Variants in MACROD2 observed in about 807,000 individuals in gnomAD.
The protein encoded by MACROD2 is mono-ADP ribosylhydrolase 2.
A neutral mutation model predicts 70.4 loss-of-function variants in MACROD2; 36 were observed. That is an observed-to-expected ratio of 0.51 (90% CI 0.39 to 0.68). MACROD2 has a LOEUF of 0.68. Among genes scored for constraint, MACROD2 ranks in the 30% least tolerant of loss-of-function variants. The pLI is 0.00. For missense variants in MACROD2, 496 were observed against 538.4 expected, an observed-to-expected ratio of 0.92 and a Z score of 0.78; for synonymous variants, 172 against 178.8, an observed-to-expected ratio of 0.96 and a Z score of 0.30.
intron 7 of MACROD2, among the ~76,000 whole-genome samples, chr20:15,487,277 G>A (rs2047174618): frequency 6.6e-6 from 1 of 152,158 alleles, no homozygotes. Context: ...TAAAAAAGGT[G>A]TCACAAGAGT....
At chr20:14,999,401 G>C (rs1283859480) in intron 5 of MACROD2, among the ~76,000 whole-genome samples, 1 of 152,198 alleles carries the variant, frequency 6.6e-6, no homozygotes, top group Non-Finnish European at 1.5e-5. Context: ...ACTCACACCT[G>C]TAATCCCAGC....
At chr20:15,294,622 C>A (rs2077570253) in intron 6 of MACROD2, among the ~76,000 whole-genome samples, 1 of 152,192 alleles carries the variant, frequency 6.6e-6, no homozygotes, top group Non-Finnish European at 1.5e-5. Flanking sequence ...TCCTGCCATG[C>A]TGCCTGATAA....
intron 8 of MACROD2, among the ~76,000 whole-genome samples, chr20:15,730,235 C>T (rs1200758649): frequency 6.6e-6 from 1 of 152,192 alleles, no homozygotes; most frequent in African/African-American, 2.4e-5. Flanking sequence ...TTCATCCTGA[C>T]ATCATGTTGT....
chr20:15,073,551 A>G (rs1338257204), intron 5 of MACROD2, among the ~76,000 whole-genome samples: 1 of 151,900 alleles, frequency 6.6e-6, no homozygotes, highest in African/African-American at 2.4e-5. Context: ...TAACTTGGAA[A>G]AAATGCTTTA....
chr20:15,660,609 G>A (rs2049806728), intron 8 of MACROD2, among the ~76,000 whole-genome samples: 1 of 152,026 alleles, frequency 6.6e-6, no homozygotes, highest in Non-Finnish European at 1.5e-5. Flanking sequence ...CCCTGCATCA[G>A]ATCTTATTTT....
intron 5 of MACROD2, among the ~76,000 whole-genome samples, chr20:14,810,618 G>C (rs540152036): frequency 1.3e-5 from 2 of 151,956 alleles, no homozygotes; most frequent in East Asian, 1.9e-4. Context: ...AGAAATGAAG[G>C]GTATTCAAAT....
intron 5 of MACROD2, among the ~76,000 whole-genome samples, chr20:14,828,076 C>T (rs1262306523): frequency 6.6e-6 from 1 of 151,870 alleles, no homozygotes. Context: ...ATGATATATA[C>T]CAATTAAAGG....
intron 3 of MACROD2, among the ~76,000 whole-genome samples, chr20:14,092,451 A>G (rs1264502427): frequency 1.3e-5 from 2 of 152,214 alleles, no homozygotes; most frequent in Non-Finnish European, 2.9e-5. Context: ...CATCCAAAAC[A>G]GTCCATACTT....
At chr20:15,850,274 G>T (rs776078920) in intron 8 of MACROD2, among the ~76,000 whole-genome samples, 1 of 152,080 alleles carries the variant, frequency 6.6e-6, no homozygotes, top group Non-Finnish European at 1.5e-5. Context: ...TCCCCCAAGG[G>T]TGATCGAACA....
chr20:14,479,309 G>A (rs563325861), intron 3 of MACROD2, among the ~76,000 whole-genome samples: 8 of 151,834 alleles, frequency 5.3e-5, no homozygotes, highest in South Asian at 2.1e-4. Flanking sequence ...CTGATGCCCC[G>A]TGCTGGTGCT....
intron 5 of MACROD2, among the ~76,000 whole-genome samples, chr20:15,122,546 A>G (rs2076038131): frequency 6.6e-6 from 1 of 152,206 alleles, no homozygotes; most frequent in African/African-American, 2.4e-5. Context: ...TGGAGGATAG[A>G]AATAACTGTT....
At chr20:15,073,577 GA>G (rs2123112764) in intron 5 of MACROD2, among the ~76,000 whole-genome samples, 1 of 151,746 alleles carries the variant, frequency 6.6e-6, no homozygotes. Flanking sequence ...ATCACTTCAG[GA>G]TGGTGGAAAA....
chr20:14,216,714 C>G (rs933591704), intron 3 of MACROD2, among the ~76,000 whole-genome samples: 4 of 152,032 alleles, frequency 2.6e-5, no homozygotes, highest in Non-Finnish European at 5.9e-5. Context: ...TTGTAGAGGT[C>G]TTTCGACTCC....
rs182226978 is a variant in MACROD2, at chr20:14,130,275, C to T, written c.271+44547C>T. ...ACCAAGAAAATATCTAGGCTGGGCA[C>T]GGTGGCTCACACCTGTAATCCCAGC... On this transcript the variant is annotated intron_variant, in intron 3 of 17. Coordinates refer to ENST00000684519, the MANE Select transcript of MACROD2 (RefSeq NM_001351661.2). Among the ~76,000 whole-genome samples, 5 of 152,216 alleles carry T rather than the reference C, an allele frequency of 3.3e-5. No homozygotes were observed. In the East Asian group the frequency reaches 5.8e-4, roughly 18 times the overall value.
intron 3 of MACROD2, among the ~76,000 whole-genome samples, chr20:14,475,786 A>G (rs1568629908): frequency 6.6e-6 from 1 of 151,792 alleles, no homozygotes; most frequent in Non-Finnish European, 1.5e-5. Context: ...CTTATATGTT[A>G]TTTGCTCCTT....
At chr20:14,485,507 C>G (rs746244224) in intron 3 of MACROD2, among the ~76,000 whole-genome samples, 1 of 152,164 alleles carries the variant, frequency 6.6e-6, no homozygotes, top group South Asian at 2.1e-4. Flanking sequence ...CAGGATCATC[C>G]TGGCTAACAC....
At chr20:15,992,552 A>G (rs2066572128) in intron 15 of MACROD2, among the ~76,000 whole-genome samples, 1 of 152,154 alleles carries the variant, frequency 6.6e-6, no homozygotes, top group African/African-American at 2.4e-5. Flanking sequence ...AGTGAATGTT[A>G]GGGTCAATAC....
rs138663124 is a variant in MACROD2 at position 15,032,333 on chromosome 20, G to A, written c.419-197607G>A. On this transcript the variant is annotated intron_variant, in intron 5 of 17. Transcript: ENST00000684519. ...CTCTGGCCTGCTCCTGGCCCCCGTC[G>A]GCTCCGCACGCTGCCCTGGCGCGCC... Among the ~76,000 whole-genome samples, 1,086 of 152,318 alleles carry A rather than the reference G, an allele frequency of 7.1e-3. 14 individuals are homozygous for A. Among genetic ancestry groups the A allele is most frequent in the African/African-American group, 0.024 (1,006 of 41,564 alleles).
Position 14,701,802 on chromosome 20 carries a change from C to T in MACROD2, c.418+16843C>T, listed in dbSNP as rs569257495. Among the ~76,000 whole-genome samples, 8 of 152,140 alleles carry T rather than the reference C, an allele frequency of 5.3e-5. No individual in the cohort carries two copies. In the South Asian group the frequency reaches 1.7e-3, roughly 32 times the overall value. On this transcript the variant is annotated intron_variant, in intron 5 of 17. Transcript: ENST00000684519. ...AACATGGTGATCACTTCTGTATGTC[C>T]CTGAGCTTGGTGTGATAGGCACTGT...
Sources: gnomAD v4.1 joint callset for allele counts (sites outside exome capture counted in the v4.1 genomes callset) on GRCh38, gnomAD v4.1.1 for gene constraint, MANE v1.5 for transcripts, NCBI Gene and HGNC (gene_info 2026-07-23, HGNC 2026-07-21) for gene names.